Variants in HELZ2 observed in about 807,000 individuals in gnomAD.
HELZ2 encodes helicase with zinc finger 2.
Under a neutral mutation model 208.8 loss-of-function variants are expected in HELZ2, and 143 were observed. The observed-to-expected ratio is 0.68, with a 90% CI of 0.60 to 0.79. The LOEUF (loss-of-function observed/expected upper bound fraction) is 0.79, where lower values mean the gene tolerates loss of function less well. Ranked by LOEUF, HELZ2 falls within the 30% of genes least tolerant of loss-of-function variation. HELZ2 has a pLI of 0.00. For missense variants in HELZ2, 3,690 were observed against 3,794.5 expected (o/e 0.97, Z 0.72); for synonymous variants, 1,705 against 1,693.7 (o/e 1.01, Z -0.16).
At position 63,563,737 on chromosome 20, in the gene HELZ2, GC is replaced by G; in HGVS notation, c.5084del (p.Gly1695AlafsTer275). On this transcript the variant is annotated frameshift_variant, in exon 8 of 19. Coordinates refer to ENST00000467148, the Ensembl canonical transcript of HELZ2. LOFTEE classifies it high-confidence loss of function. ...CGATGTCCCTGGCAGAGTAGGCAGA[GC>G]CCCCATGGCCCAGCGCCAGCAGGAT... is the stretch of plus-strand genomic sequence containing the variant. 6.3e-7 allele frequency: 1 copy of G among 1,598,854 alleles called. No individual in the cohort carries two copies. Among genetic ancestry groups the G allele is most frequent in the Non-Finnish European group, 8.5e-7 (1 of 1,176,334 alleles).
upstream of HELZ2, among the ~76,000 whole-genome samples, chr20:63,573,385 G>C (rs2083032028): frequency 6.6e-6 from 1 of 152,200 alleles, no homozygotes; most frequent in Non-Finnish European, 1.5e-5. The surrounding 1 kb of genome is among the most constrained non-coding windows in gnomAD (Gnocchi z 4.9). Context: ...TCCCCACCCT[G>C]ACGCCCAAGT....
At chr20:63,570,949 A>G in intron 1 of HELZ2, 81 bp from the exon 3 acceptor site, 1 of 1,098,582 alleles carries the variant, frequency 9.1e-7, no homozygotes, top group Non-Finnish European at 1.3e-6. Context: ...CCTCAGCCCA[A>G]TACTGGCCTC....
Position 63,561,093 on chromosome 20 carries a change from G to A in HELZ2, c.7135C>T (p.Gln2379Ter), listed in dbSNP as rs1236892969. Residue 2379 changes from glutamine (Q) to a stop codon, truncating the protein, a stop_gained, in exon 14 of 19, where the codon CAG becomes TAG. Transcript: ENST00000467148. LOFTEE classifies it high-confidence loss of function. ...CCCCGCCGACCAACCTTCTCGGCCTGTGGGAACTGCACCAGGGGGATGAGG... is the reference window on the plus strand; with the variant it reads ...CCCCGCCGACCAACCTTCTCGGCCTATGGGAACTGCACCAGGGGGATGAGG... The A allele has an allele frequency of 3.1e-6, 5 of 1,611,618 alleles. No individual in the cohort carries two copies. Among genetic ancestry groups the A allele is most frequent in the Non-Finnish European group, 4.2e-6 (5 of 1,179,188 alleles).
At chr20:63,561,768 A>G in intron 11 of HELZ2, 23 bp from the exon 13 acceptor site, 1 of 1,569,572 alleles carries the variant, frequency 6.4e-7, no homozygotes, top group Non-Finnish European at 8.7e-7. Context: ...GGGGGACGTG[A>G]GTCCTGCCCC....
chr20:63,572,339 T>TC lies in HELZ2; in HGVS notation c.46dup (p.Asp16GlyfsTer9). On this transcript the variant is annotated frameshift_variant, in exon 1 of 19. Transcript: ENST00000467148. LOFTEE classifies it high-confidence loss of function. ...ATCAGGGGCAGGGGGTGTGAGCAGG[T>TC]CCCCCCGCTGGAGGCCACCCAGCTG... 1 of 1,575,430 alleles carries TC rather than the reference T, an allele frequency of 6.3e-7. No homozygotes were observed. The highest frequency in any genetic ancestry group is 8.6e-7 in the Non-Finnish European group (1 of 1,164,642).
chr20:63,567,152 G>A (rs570994843), exon 6 of HELZ2: 15 of 1,610,270 alleles, frequency 9.3e-6, no homozygotes, highest in African/African-American at 4.0e-5. Context: ...AAGACCAGGC[G>A]GCTCTGCCGC....
exon 4 of HELZ2, chr20:63,569,635 G>T: frequency 6.5e-7 from 1 of 1,543,874 alleles, no homozygotes; most frequent in Non-Finnish European, 8.7e-7. Flanking sequence ...CCTGGCTCCT[G>T]CTTCAGCAGG....
At chr20:63,565,286 C>A in exon 8 of HELZ2, 1 of 1,605,644 alleles carries the variant, frequency 6.2e-7, no homozygotes, top group East Asian at 2.3e-5. Flanking sequence ...CGCCTTGTCT[C>A]CCGAAAGGAG....
chr20:63,570,745 C>G, exon 2 of HELZ2: 1 of 1,609,910 alleles, frequency 6.2e-7, no homozygotes, highest in South Asian at 1.1e-5. Flanking sequence ...GGTAGGGCAC[C>G]AGCCCGTCCT....
chr20:63,561,562 G>T, intron 12 of HELZ2, 39 bp downstream of exon 13: 1 of 1,582,580 alleles, frequency 6.3e-7, no homozygotes, highest in African/African-American at 1.3e-5. Context: ...TGGACAGCTC[G>T]GCCCCACTCC....
At chr20:63,572,595 C>T (rs879507106), upstream of HELZ2, 49 of 557,586 alleles carry the variant, frequency 8.8e-5, no homozygotes, top group African/African-American at 1.4e-4. Context: ...TGGGGGTCCA[C>T]GCGACAGATG....
At chr20:63,562,832 T>A (rs2082904152) in exon 8 of HELZ2, 1 of 1,610,208 alleles carries the variant, frequency 6.2e-7, no homozygotes, top group South Asian at 1.1e-5. Context: ...GTCGGCACAG[T>A]TCTCCTCGAG....
rs749067705 is a variant in HELZ2 at position 63,563,430 on chromosome 20, G to A, written c.5392C>T (p.Arg1798Cys). The change falls in exon 8 of 19, where the codon CGT becomes TGT. Residue 1798 changes from arginine (R) to cysteine (C), a missense_variant. Arg to Cys is a radical substitution (Grantham distance 180). This residue lies in a region of HELZ2 where 2,564 missense variants were observed against 2,580.5 expected (regional missense o/e 0.99). Transcript: ENST00000467148. ...CTGGATCCCTGCGCTGAGTAGACAC[G>A]GCGCCGCCACAGGAGCCGCAGGCCC... 13 of 1,530,892 alleles carry A rather than the reference G, an allele frequency of 8.5e-6. 1 individual carries two copies. Among genetic ancestry groups the A allele is most frequent in the South Asian group, 8.3e-5 (7 of 83,854 alleles). 94.8% of individuals were successfully genotyped at this position (1,530,892 alleles called of 1,614,324 possible).
At chr20:63,565,561 C>T (rs1373124585) in exon 8 of HELZ2, 1 of 1,608,082 alleles carries the variant, frequency 6.2e-7, no homozygotes. Flanking sequence ...CCCCGACGGT[C>T]ACCATCACCT....
At chr20:63,561,311 T>G (rs1216501097) in intron 13 of HELZ2, 37 bp from the exon 15 acceptor site, 2 of 1,612,576 alleles carry the variant, frequency 1.2e-6, no homozygotes, top group South Asian at 2.2e-5. Flanking sequence ...AGGGCCCCCA[T>G]GCTGCAGGCA....
At chr20:63,563,242 C>T in exon 8 of HELZ2, 3 of 1,555,686 alleles carry the variant, frequency 1.9e-6, no homozygotes, top group Non-Finnish European at 1.7e-6. Flanking sequence ...GCTGCACCTG[C>T]ACCAGCTCCC....
downstream of HELZ2, chr20:63,558,917 C>G (rs1310967892): frequency 4.2e-6 from 1 of 236,574 alleles, no homozygotes; most frequent in Non-Finnish European, 8.3e-6. Flanking sequence ...CAGGTGGCGT[C>G]CAAAGGTCAA....
chr20:63,567,984 T>A lies in HELZ2; in HGVS notation c.1731-357A>T. 3.7e-6 allele frequency: 2 copies of A among 534,320 alleles called. 1 individual carries two copies. 33.1% of individuals were successfully genotyped at this position (534,320 alleles called of 1,614,324 possible). A position where few individuals can be genotyped will look rare whatever the true frequency, so the allele number is the denominator to read the frequency against. Reference sequence around the variant, plus strand: ...ATGGGAAGGCCCCGGCCTGGGGAGGTGGTGGTGGCAGGAACCAGAGGAAAC... The same window carrying A: ...ATGGGAAGGCCCCGGCCTGGGGAGGAGGTGGTGGCAGGAACCAGAGGAAAC... On this transcript the variant is annotated intron_variant, in intron 5 of 18. Coordinates refer to ENST00000467148, the Ensembl canonical transcript of HELZ2.
exon 6 of HELZ2, chr20:63,567,051 G>T: frequency 6.2e-7 from 1 of 1,612,116 alleles, no homozygotes; most frequent in Non-Finnish European, 8.5e-7. Context: ...GCGGAACCTT[G>T]CCCCTGGCGT....
Sources: gnomAD v4.1 joint callset for allele counts (sites outside exome capture counted in the v4.1 genomes callset) on GRCh38, gnomAD v4.1.1 for gene constraint, gnomAD v4.1.1 regional missense constraint, Gnocchi (gnomAD v3.1) non-coding constraint, MANE v1.5 for transcripts, NCBI Gene and HGNC (gene_info 2026-07-23, HGNC 2026-07-21) for gene names.